The following PLEKHG5 variants were observed in gnomAD, a reference collection of about 807,000 sequenced individuals.
The protein encoded by PLEKHG5 is pleckstrin homology and RhoGEF domain containing G5.
A neutral mutation model predicts 103.8 loss-of-function variants in PLEKHG5; 52 were observed. The ratio of observed to expected loss-of-function variants is 0.50; its 90% CI spans 0.40 to 0.63. The LOEUF (loss-of-function observed/expected upper bound fraction) is 0.63. PLEKHG5 is among the 30% of genes least tolerant of loss of function. The pLI, the probability that PLEKHG5 is intolerant of heterozygous loss-of-function variation, is 0.00. For synonymous variants in PLEKHG5, 592 were observed against 575.5 expected (o/e 1.03, Z -0.41); for missense variants, 1,205 against 1,347.6 (o/e 0.89, Z 1.66).
chr1:6,496,854 G>C, upstream of PLEKHG5: 5 of 699,792 alleles, frequency 7.1e-6, no homozygotes, highest in Middle Eastern at 2.7e-4. Flanking sequence ...GGGGACAAGT[G>C]GGGGAGCGCT....
At position 6,469,216 on chromosome 1, in the gene PLEKHG5, T is replaced by G. The variant is rs1644492462; in HGVS notation, c.2075A>C (p.Gln692Pro). 1 of 1,613,186 alleles carries G rather than the reference T, an allele frequency of 6.2e-7. No individual in the cohort carries two copies. Among genetic ancestry groups the G allele is most frequent in the African/African-American group, 1.3e-5 (1 of 74,588 alleles). Residue 692 changes from glutamine to proline, a missense_variant, in exon 19 of 21, where the codon CAG becomes CCG. Gln to Pro is a moderately conservative substitution (Grantham distance 76). Transcript: ENST00000377728. ...GGGCTGCTGACTGCCTGGGGGCTCC[T>G]GTGCACGCAGCTGTTGCAGCTGGTT... ...AQNQLQQLRA[Q>P]EPPGSQQPLQ...
rs764815791 is a variant in PLEKHG5, at chr1:6,468,557, GC to G, written c.2278del (p.Ala760ProfsTer5). ...GTCCCCAGGCTCTACCACAACCATG[GC>G]CAGGGTCTCCGTGGAGCCATCTGAG... ...CASDGSTETL[A>X]MVVVEPGDTL... On this transcript the variant is annotated frameshift_variant, in exon 20 of 21. Transcript: ENST00000377728. LOFTEE classifies it high-confidence loss of function. 6.8e-6 allele frequency: 11 copies of G among 1,613,014 alleles called. No individual in the cohort carries two copies. Among genetic ancestry groups the G allele is most frequent in the Non-Finnish European group, 8.5e-6 (10 of 1,179,990 alleles).
chr1:6,507,955 C>T (rs1638369284), intron 1 of PLEKHG5, among the ~76,000 whole-genome samples: 1 of 152,208 alleles, frequency 6.6e-6, no homozygotes, highest in Non-Finnish European at 1.5e-5. Context: ...GCCTGGCCAG[C>T]CATCTCTGTC....
rs1469963388 is a variant in PLEKHG5 at position 6,470,847 on chromosome 1, A to T, written c.1430T>A (p.Leu477Gln). Reference protein sequence around the residue: ...EKHPQCQRLKLSDMLAKPHQR... With the variant: ...EKHPQCQRLKQSDMLAKPHQR... ...GTGGGGTTTGGCCAGCATGTCGCTCAGCTTCAGCCTCTGGCACTGTGGGTG... is the reference window on the plus strand; with the variant it reads ...GTGGGGTTTGGCCAGCATGTCGCTCTGCTTCAGCCTCTGGCACTGTGGGTG... The change falls in exon 14 of 21, where the codon CTG becomes CAG. Residue 477 changes from leucine to glutamine, a missense_variant. Coordinates refer to ENST00000377728, the MANE Select transcript of PLEKHG5 (RefSeq NM_020631.6). 4.4e-6 allele frequency: 7 copies of T among 1,577,226 alleles called. No homozygotes were observed. The highest frequency in any genetic ancestry group is 1.3e-5 in the African/African-American group (1 of 74,332).
At chr1:6,506,578 A>G (rs913394460) in intron 1 of PLEKHG5, among the ~76,000 whole-genome samples, 2 of 152,106 alleles carry the variant, frequency 1.3e-5, no homozygotes, top group Admixed American at 6.6e-5. Flanking sequence ...CCCACCCCTG[A>G]CCTGTGACCC....
intron 1 of PLEKHG5, among the ~76,000 whole-genome samples, chr1:6,518,559 CAA>C (rs772093142): frequency 3.5e-4 from 24 of 68,040 alleles, no homozygotes; most frequent in East Asian, 7.4e-4. Flanking sequence ...AACTCCATCC[CAA>C]AAAAAAAAAA....
chr1:6,471,940 G>C, intron 10 of PLEKHG5, 132 bp from the exon 11 acceptor site: 1 of 908,070 alleles, frequency 1.1e-6, no homozygotes, highest in Non-Finnish European at 1.8e-6. Flanking sequence ...CCACGGATAA[G>C]AAGGCTGTAC....
At chr1:6,489,846 G>A (rs1645113727) in intron 1 of PLEKHG5, among the ~76,000 whole-genome samples, 1 of 152,184 alleles carries the variant, frequency 6.6e-6, no homozygotes, top group Non-Finnish European at 1.5e-5. Context: ...CTAAAGGGCA[G>A]GAGAATGGTA....
upstream of PLEKHG5, chr1:6,496,892 C>A (rs1645233225): frequency 7.2e-7 from 1 of 1,380,380 alleles, no homozygotes; most frequent in African/African-American, 1.5e-5. Context: ...CCCAGACTTC[C>A]CAGGGGGTCC....
intron 1 of PLEKHG5, among the ~76,000 whole-genome samples, chr1:6,507,927 G>A (rs1638368769): frequency 6.6e-6 from 1 of 152,144 alleles, no homozygotes; most frequent in South Asian, 2.1e-4. Flanking sequence ...TGAGGCTTAG[G>A]GAATAGGACC....
intron 1 of PLEKHG5, among the ~76,000 whole-genome samples, chr1:6,512,317 C>T (rs1299692697): frequency 6.6e-6 from 1 of 152,226 alleles, no homozygotes; most frequent in Non-Finnish European, 1.5e-5. Flanking sequence ...ACTGTTCAAG[C>T]CCTGAGGCCA....
chr1:6,469,988 G>A (rs1644518382), intron 16 of PLEKHG5, among the ~76,000 whole-genome samples: 1 of 152,222 alleles, frequency 6.6e-6, no homozygotes, highest in Admixed American at 6.5e-5. Context: ...TGGCCCACTT[G>A]TGGAATATGG....
At position 6,469,160 on chromosome 1, in the gene PLEKHG5, G is replaced by A; in HGVS notation, c.2131C>T (p.Gln711Ter). The A allele has an allele frequency of 6.2e-7, 1 of 1,612,008 alleles. No individual in the cohort carries two copies. Among genetic ancestry groups the A allele is most frequent in the Non-Finnish European group, 8.5e-7 (1 of 1,179,324 alleles). The change falls in exon 19 of 21, where the codon CAG becomes TAG. Residue 711 changes from glutamine to a stop codon, truncating the protein, a stop_gained. Transcript: ENST00000377728. LOFTEE classifies it high-confidence loss of function. The stretch of plus-strand genomic sequence containing the variant: ...TCCTCCTCCTCCTCTTCCTCCTCCT[G>A]CTCATCCTCCTCCTCTTCCAGGCTC... Reference protein sequence around the residue: ...LQSLEEEEDEQEEEEEEEEEE... With the variant: ...LQSLEEEEDE
intron 7 of PLEKHG5, 37 bp downstream of exon 7, chr1:6,473,976 T>TAC: frequency 6.6e-5 from 83 of 1,265,406 alleles, no homozygotes; most frequent in East Asian, 1.1e-4. Context: ...CTGGGCCCCT[T>TAC]CCCACCCCCT....
chr1:6,477,891 C>G (rs960812966), intron 1 of PLEKHG5, among the ~76,000 whole-genome samples: 12 of 150,730 alleles, frequency 8.0e-5, no homozygotes, highest in Non-Finnish European at 1.5e-4. Flanking sequence ...TCTTTTTTTT[C>G]TTTTTCTGAG....
intron 1 of PLEKHG5, chr1:6,519,380 C>A: frequency 7.8e-7 from 1 of 1,275,714 alleles, no homozygotes; most frequent in Admixed American, 1.7e-5. Context: ...ACCTGCAAAG[C>A]CCCTCCTTTC....
At chr1:6,485,858 G>A (rs116507160) in intron 1 of PLEKHG5, 31 of 988,596 alleles carry the variant, frequency 3.1e-5, no homozygotes, top group Admixed American at 6.1e-5. Flanking sequence ...GCGCGGCCCC[G>A]GGCCCCTCTC....
chr1:6,493,276 A>C (rs982016392), upstream of PLEKHG5, among the ~76,000 whole-genome samples: 3 of 151,972 alleles, frequency 2.0e-5, no homozygotes, highest in African/African-American at 7.3e-5. Context: ...CTAGAATGTC[A>C]CCTCCAGGAG....
At position 6,517,246 on chromosome 1, in the gene PLEKHG5, A is replaced by T. The variant is rs1194807515; in HGVS notation, c.-165+2199T>A. On this transcript the variant is annotated intron_variant, in intron 1 of 21. Transcript: ENST00000377740. ...GGCATGAACCTGAGAGGCGGAGGTTACAGTGAGCCGAGATCGCGCCACTGC... is the reference window on the plus strand; with the variant it reads ...GGCATGAACCTGAGAGGCGGAGGTTTCAGTGAGCCGAGATCGCGCCACTGC... Among the ~76,000 whole-genome samples, 4 of 150,518 alleles carry T rather than the reference A, an allele frequency of 2.7e-5. No individual in the cohort carries two copies. In the East Asian group the frequency reaches 7.8e-4, roughly 29 times the overall value.
Sources: allele counts gnomAD v4.1 joint callset (sites outside exome capture counted in the v4.1 genomes callset), GRCh38; gene constraint gnomAD v4.1.1; transcripts MANE v1.5; gene names NCBI Gene and HGNC (gene_info 2026-07-23, HGNC 2026-07-21).